Variants in SDK1 observed in about 807,000 individuals in gnomAD.
SDK1 encodes the protein protein sidekick-1.
SDK1 carries 157 observed loss-of-function variants against 245.5 expected under a neutral mutation model. The observed-to-expected ratio is 0.64, with a 90% CI of 0.56 to 0.73. SDK1 has a LOEUF of 0.73. Among genes scored for constraint, SDK1 ranks in the 30% least tolerant of loss-of-function variants. SDK1 has a pLI of 0.00. For missense variants in SDK1, 3,583 were observed against 3,002.3 expected (o/e 1.19, Z -4.52); for synonymous variants, 1,647 against 1,278.5 (o/e 1.29, Z -6.15).
rs1779778088 is a variant in SDK1 at position 3,320,583 on chromosome 7, A to C, written c.298+18699A>C. On this transcript the variant is annotated intron_variant, in intron 1 of 44. Coordinates refer to ENST00000404826, the MANE Select transcript of SDK1 (RefSeq NM_152744.4). ...TACACATAATCAGAAATCAAACTAA[A>C]TCCATCTGTGATGTTAGCTTATGGT... Among the ~76,000 whole-genome samples the C allele has an allele frequency of 2.0e-5, 3 of 152,194 alleles. No individual in the cohort carries two copies. The South Asian group carries it at 6.2e-4, about 32-fold the overall frequency.
At chr7:4,210,386 C>A (rs1365125875) in intron 38 of SDK1, among the ~76,000 whole-genome samples, 1 of 152,216 alleles carries the variant, frequency 6.6e-6, no homozygotes, top group Non-Finnish European at 1.5e-5. Flanking sequence ...CAAGACCAGA[C>A]CTCTGTGTTC....
Position 3,814,194 on chromosome 7 carries a change from A to G in SDK1, c.714-7256A>G, listed in dbSNP as rs1008424158. On this transcript the variant is annotated intron_variant, in intron 4 of 44. Coordinates refer to ENST00000404826, the MANE Select transcript of SDK1 (RefSeq NM_152744.4). ...GGACATAAAGTCCTTGCCCATGCCTATGTCCTGAATGGTAATGCCTAGGTT... is the reference window on the plus strand; with the variant it reads ...GGACATAAAGTCCTTGCCCATGCCTGTGTCCTGAATGGTAATGCCTAGGTT... 3.3e-5 allele frequency among the ~76,000 whole-genome samples: 5 copies of G among 151,616 alleles called. No individual in the cohort carries two copies. In the East Asian group the frequency reaches 5.8e-4, roughly 18 times the overall value.
chr7:4,126,198 C>G (rs1403670473), intron 25 of SDK1, among the ~76,000 whole-genome samples: 1 of 152,212 alleles, frequency 6.6e-6, no homozygotes, highest in Non-Finnish European at 1.5e-5. Context: ...TCCCTGACTG[C>G]TAGGGGCTAG....
chr7:4,169,018 G>A (rs1429520244), intron 32 of SDK1, among the ~76,000 whole-genome samples: 1 of 152,182 alleles, frequency 6.6e-6, no homozygotes, highest in Non-Finnish European at 1.5e-5. Context: ...CTCTCTGGGT[G>A]CGCAGGCATG....
At chr7:3,467,914 G>A (rs918442361) in intron 1 of SDK1, among the ~76,000 whole-genome samples, 1 of 151,976 alleles carries the variant, frequency 6.6e-6, no homozygotes, top group Admixed American at 6.6e-5. Flanking sequence ...GATCTTTTAT[G>A]TAGTTATTAG....
intron 1 of SDK1, among the ~76,000 whole-genome samples, chr7:3,319,013 C>A (rs1475322567): frequency 6.6e-6 from 1 of 150,772 alleles, no homozygotes; most frequent in Admixed American, 6.6e-5. Context: ...TGGGGGTGGC[C>A]TGAGGAAGGA....
At chr7:3,554,945 A>G (rs1443798320) in intron 1 of SDK1, among the ~76,000 whole-genome samples, 1 of 152,218 alleles carries the variant, frequency 6.6e-6, no homozygotes, top group Non-Finnish European at 1.5e-5. Context: ...CACGCAAAAA[A>G]ATGGAAAGAT....
At chr7:3,586,997 C>G (rs1328807353) in intron 1 of SDK1, among the ~76,000 whole-genome samples, 1 of 151,950 alleles carries the variant, frequency 6.6e-6, no homozygotes, top group East Asian at 1.9e-4. Context: ...ATAGTGCTAA[C>G]TTGAGGTGGA....
rs937496175 is a variant in SDK1 at position 3,484,877 on chromosome 7, C to T, written c.299-134203C>T. 7.2e-5 allele frequency among the ~76,000 whole-genome samples: 11 copies of T among 152,154 alleles called. 1 individual carries two copies. Among genetic ancestry groups the T allele is most frequent in the Admixed American group, 5.9e-4 (9 of 15,276 alleles). ...ATAGTATTCCTTTGTGGAAGCATAA[C>T]ATATTTTGTTTGTTCATTCATCTGT... On this transcript the variant is annotated intron_variant, in intron 1 of 44. Transcript: ENST00000404826.
chr7:3,357,260 T>G (rs73292190), intron 1 of SDK1, among the ~76,000 whole-genome samples: 2,249 of 149,118 alleles, frequency 0.015, 64 homozygotes, highest in African/African-American at 0.052. Context: ...ATGTGCACAC[T>G]CACAGTCTTA....
chr7:3,495,022 C>G (rs765088203), intron 1 of SDK1, among the ~76,000 whole-genome samples: 8 of 152,012 alleles, frequency 5.3e-5, no homozygotes, highest in Admixed American at 1.3e-4. Flanking sequence ...GGTGTTGATT[C>G]CTTCATCTAA....
intron 1 of SDK1, among the ~76,000 whole-genome samples, chr7:3,586,164 A>G (rs1362904523): frequency 6.6e-6 from 1 of 151,578 alleles, no homozygotes; most frequent in African/African-American, 2.4e-5. Context: ...ACTCTCAGTG[A>G]AGTGTGCCAC....
intron 5 of SDK1, among the ~76,000 whole-genome samples, chr7:3,904,473 C>T (rs768138151): frequency 2.6e-5 from 4 of 152,008 alleles, no homozygotes; most frequent in South Asian, 2.1e-4. Context: ...GTGGGAGGAT[C>T]GCTTGAGTCC....
intron 1 of SDK1, among the ~76,000 whole-genome samples, chr7:3,574,715 C>T (rs1004870860): frequency 6.6e-6 from 1 of 152,040 alleles, no homozygotes; most frequent in Non-Finnish European, 1.5e-5. Flanking sequence ...TACTGCCTGG[C>T]TTCTTGAAAT....
chr7:3,618,599 G>A (rs1251430166), intron 1 of SDK1, among the ~76,000 whole-genome samples: 1 of 152,198 alleles, frequency 6.6e-6, no homozygotes, highest in Non-Finnish European at 1.5e-5. Context: ...ATTTCCACGT[G>A]TGTATGAAAG....
chr7:3,867,552 A>G (rs1444159960), intron 5 of SDK1, among the ~76,000 whole-genome samples: 2 of 152,186 alleles, frequency 1.3e-5, no homozygotes, highest in African/African-American at 4.8e-5. Flanking sequence ...CTGCAGGCAA[A>G]GAGAGAGAGC....
intron 14 of SDK1, among the ~76,000 whole-genome samples, chr7:3,990,329 G>A (rs995712445): frequency 1.4e-4 from 21 of 152,308 alleles, no homozygotes; most frequent in Admixed American, 1.2e-3. Context: ...CTTCCCCTGC[G>A]GGGGGCCTCT....
chr7:4,180,322 AGT>A, intron 35 of SDK1, among the ~76,000 whole-genome samples: 3 of 148,802 alleles, frequency 2.0e-5, no homozygotes, highest in African/African-American at 2.5e-5. Context: ...CTCTATGCCC[AGT>A]GCCCGGCTCC....
rs200207907 is a variant in SDK1 at position 4,174,234 on chromosome 7, G to A, written c.4813G>A (p.Glu1605Lys). ...VLIQWQPPRD[E>K]SLNGLLQGYR... is the part of the protein sequence containing the mutation. ...GATGTCTTTGCAGCCTCCGAGGGACGAAAGCCTGAATGGCCTTCTTCAGGG... is the reference window on the plus strand; with the variant it reads ...GATGTCTTTGCAGCCTCCGAGGGACAAAAGCCTGAATGGCCTTCTTCAGGG... Residue 1605 changes from glutamate (E) to lysine (K), a missense_variant, in exon 33 of 45, where the codon GAA (glutamate) becomes AAA (lysine). Transcript: ENST00000404826. The A allele has an allele frequency of 1.2e-5, 19 of 1,614,080 alleles. No homozygotes were observed. The highest frequency in any genetic ancestry group is 5.3e-5 in the African/African-American group (4 of 75,048).
Sources: allele counts gnomAD v4.1 joint callset (sites outside exome capture counted in the v4.1 genomes callset), GRCh38; gene constraint gnomAD v4.1.1; transcripts MANE v1.5; gene names NCBI Gene and HGNC (gene_info 2026-07-23, HGNC 2026-07-21).